CSMD1: variants seen among roughly 807,000 people sequenced by gnomAD.
CSMD1 encodes CUB and sushi domain-containing protein 1.
CSMD1 carries 213 observed loss-of-function variants against 417.5 expected under a neutral mutation model. The ratio of observed to expected loss-of-function variants is 0.51; its 90% CI spans 0.46 to 0.57. CSMD1 has a LOEUF of 0.57. CSMD1 is among the 20% of genes least tolerant of loss of function. The pLI is 0.00. For synonymous variants in CSMD1, 2,862 were observed against 1,736.8 expected (o/e 1.65, Z -16.11); for missense variants, 6,923 against 4,529.7 (o/e 1.53, Z -15.17).
chr8:4,281,156 C>T (rs537840524), intron 3 of CSMD1, among the ~76,000 whole-genome samples: 255 of 152,220 alleles, frequency 1.7e-3, no homozygotes, highest in South Asian at 6.6e-3. Context: ...AGCACCTGAC[C>T]CACTGATGGT....
intron 2 of CSMD1, among the ~76,000 whole-genome samples, chr8:4,568,810 A>G (rs1798743391): frequency 6.6e-6 from 1 of 152,164 alleles, no homozygotes; most frequent in African/African-American, 2.4e-5. Context: ...AATGATGGTC[A>G]TTCTAACTGG....
At chr8:4,355,656 G>A (rs1480339216) in intron 3 of CSMD1, among the ~76,000 whole-genome samples, 1 of 152,198 alleles carries the variant, frequency 6.6e-6, no homozygotes, top group Non-Finnish European at 1.5e-5. Flanking sequence ...AAGCAAGCAT[G>A]CTATAAAACC....
intron 1 of CSMD1, among the ~76,000 whole-genome samples, chr8:4,677,129 G>A (rs942292978): frequency 2.0e-5 from 3 of 146,636 alleles, no homozygotes; most frequent in Non-Finnish European, 4.5e-5. Flanking sequence ...TAATATATAT[G>A]ATACATAAAA....
At chr8:3,508,894 A>G (rs949796373) in intron 10 of CSMD1, among the ~76,000 whole-genome samples, 3 of 152,196 alleles carry the variant, frequency 2.0e-5, no homozygotes, top group African/African-American at 7.2e-5. Context: ...TGAGACAGGA[A>G]TGATCCATGG....
At chr8:3,100,015 T>G (rs551150350) in intron 46 of CSMD1, among the ~76,000 whole-genome samples, 1 of 151,846 alleles carries the variant, frequency 6.6e-6, no homozygotes, top group East Asian at 2.0e-4. Context: ...CATGTGGGGT[T>G]TTTTGGTGTT....
At position 4,905,785 on chromosome 8, in the gene CSMD1, A is replaced by G. The variant is rs185522104; in HGVS notation, c.85+88547T>C. The stretch of plus-strand genomic sequence containing the variant: ...CAGTGAGCCGAGATTGTGCCACTGC[A>G]CTCCAGCCTGGGCCACAGAGCGAGA... On this transcript the variant is annotated intron_variant, in intron 1 of 69. Transcript: ENST00000635120. Among the ~76,000 whole-genome samples the G allele has an allele frequency of 8.9e-3, 1,262 of 142,070 alleles. 10 individuals carry two copies. Among genetic ancestry groups the G allele is most frequent in the Non-Finnish European group, 0.014 (938 of 66,924 alleles). The allele number at this position is 142,070 out of a possible 152,430, so 93.2% of individuals were successfully genotyped here.
chr8:4,297,425 G>A (rs1005321488), intron 3 of CSMD1, among the ~76,000 whole-genome samples: 1 of 152,110 alleles, frequency 6.6e-6, no homozygotes, highest in African/African-American at 2.4e-5. Flanking sequence ...ATGTTAAACG[G>A]TATTAAGGAA....
intron 1 of CSMD1, among the ~76,000 whole-genome samples, chr8:4,733,313 C>T (rs1386158957): frequency 2.0e-5 from 3 of 152,148 alleles, no homozygotes; most frequent in Non-Finnish European, 4.4e-5. Context: ...GCCCTCAAAG[C>T]AAGCACAAAT....
intron 1 of CSMD1, among the ~76,000 whole-genome samples, chr8:4,764,283 G>A (rs185299356): frequency 6.6e-6 from 1 of 152,236 alleles, no homozygotes; most frequent in Admixed American, 6.5e-5. Flanking sequence ...TGGGGGTAGA[G>A]GTGAGACTAT....
At chr8:3,958,973 C>G (rs1812146830) in intron 5 of CSMD1, among the ~76,000 whole-genome samples, 1 of 152,216 alleles carries the variant, frequency 6.6e-6, no homozygotes, top group Non-Finnish European at 1.5e-5. Context: ...TCTGTGAGCT[C>G]CCGGTCTGGG....
At chr8:3,952,057 A>G (rs1262294118) in intron 5 of CSMD1, among the ~76,000 whole-genome samples, 2 of 152,204 alleles carry the variant, frequency 1.3e-5, no homozygotes, top group Non-Finnish European at 2.9e-5. Context: ...AATAATTGTA[A>G]AATTCATTAG....
At chr8:4,862,560 C>T (rs1802201091) in intron 1 of CSMD1, among the ~76,000 whole-genome samples, 1 of 151,924 alleles carries the variant, frequency 6.6e-6, no homozygotes, top group South Asian at 2.1e-4. Flanking sequence ...GAGACTAGAT[C>T]GTGGATATAT....
intron 3 of CSMD1, among the ~76,000 whole-genome samples, chr8:4,149,766 G>A (rs1235729316): frequency 6.6e-6 from 1 of 152,194 alleles, no homozygotes; most frequent in Non-Finnish European, 1.5e-5. Flanking sequence ...GGCCTTGCTG[G>A]ATGTGTCGTA....
intron 1 of CSMD1, among the ~76,000 whole-genome samples, chr8:4,970,100 AT>A (rs1810145681): frequency 6.6e-6 from 1 of 152,090 alleles, no homozygotes; most frequent in African/African-American, 2.4e-5. Context: ...AAAATAATAT[AT>A]AAAGTAATTG....
intron 3 of CSMD1, among the ~76,000 whole-genome samples, chr8:4,134,845 T>C (rs1293393813): frequency 6.6e-6 from 1 of 152,208 alleles, no homozygotes; most frequent in Non-Finnish European, 1.5e-5. Flanking sequence ...TGAAAATCGT[T>C]TGATAGCTTC....
intron 6 of CSMD1, among the ~76,000 whole-genome samples, chr8:3,731,512 G>A (rs1796259277): frequency 1.3e-5 from 2 of 152,300 alleles, no homozygotes; most frequent in African/African-American, 2.4e-5. Context: ...TCATGGATAA[G>A]TGCTTGACCC....
chr8:3,355,946 A>G lies in CSMD1; in HGVS notation c.3304+3206T>C, dbSNP rs373571134. Among the ~76,000 whole-genome samples the G allele has an allele frequency of 3.0e-4, 45 of 152,312 alleles. No homozygotes were observed. The East Asian group carries it at 7.0e-3, about 24-fold the overall frequency. On this transcript the variant is annotated intron_variant, in intron 21 of 69. Coordinates refer to ENST00000635120, the MANE Select transcript of CSMD1 (RefSeq NM_033225.6). Reference sequence around the variant, plus strand: ...CCAAGGAATACATGATACTATTTCTATCATCCTAAATGCATCATCAGGTTG... The same window carrying G: ...CCAAGGAATACATGATACTATTTCTGTCATCCTAAATGCATCATCAGGTTG...
intron 51 of CSMD1, among the ~76,000 whole-genome samples, chr8:3,019,025 C>G (rs981917375): frequency 6.6e-6 from 1 of 152,162 alleles, no homozygotes; most frequent in Non-Finnish European, 1.5e-5. Flanking sequence ...TCAAGTGATT[C>G]TCCTCCCTCA....
At chr8:4,280,337 G>A (rs976585535) in intron 3 of CSMD1, among the ~76,000 whole-genome samples, 1 of 152,066 alleles carries the variant, frequency 6.6e-6, no homozygotes, top group African/African-American at 2.4e-5. Flanking sequence ...ACCACGTTCT[G>A]AAAAAATAAT....
Sources: allele counts gnomAD v4.1 joint callset (sites outside exome capture counted in the v4.1 genomes callset), GRCh38; gene constraint gnomAD v4.1.1; transcripts MANE v1.5; gene names NCBI Gene and HGNC (gene_info 2026-07-23, HGNC 2026-07-21).